The following DPP10 variants were observed in gnomAD, a reference collection of about 807,000 sequenced individuals.
DPP10 encodes the protein inactive dipeptidyl peptidase 10.
Under a neutral mutation model 120.9 loss-of-function variants are expected in DPP10, and 33 were observed. The observed-to-expected ratio is 0.27, with a 90% CI of 0.21 to 0.37. DPP10 has a LOEUF of 0.37. DPP10 is among the 10% of genes least tolerant of loss of function. The probability of loss-of-function intolerance (pLI) is 1.00; values close to 1 mark genes in which losing one functional copy is unlikely to be tolerated. For missense variants in DPP10, 816 were observed against 942.8 expected (o/e 0.87, Z 1.76); for synonymous variants, 337 against 326.1 (o/e 1.03, Z -0.36).
intron 1 of DPP10, among the ~76,000 whole-genome samples, chr2:115,054,789 G>A (rs1245600138): frequency 1.3e-5 from 2 of 151,984 alleles, no homozygotes; most frequent in Non-Finnish European, 2.9e-5. Context: ...CACACAGCTT[G>A]TAATCCCAGC....
At chr2:115,059,037 T>C (rs17452532) in intron 1 of DPP10, among the ~76,000 whole-genome samples, 15,563 of 152,200 alleles carry the variant, frequency 0.1, 1,140 homozygotes, top group Non-Finnish European at 0.14. Flanking sequence ...AATCCATTCG[T>C]GTCTATCTTG....
At chr2:114,914,582 A>G (rs1489054507) in intron 1 of DPP10, among the ~76,000 whole-genome samples, 1 of 152,224 alleles carries the variant, frequency 6.6e-6, no homozygotes, top group Non-Finnish European at 1.5e-5. Flanking sequence ...ATGAAAGACC[A>G]TTACTTGTCA....
chr2:115,674,470 A>T (rs2090128971), intron 5 of DPP10, among the ~76,000 whole-genome samples: 1 of 151,456 alleles, frequency 6.6e-6, no homozygotes, highest in South Asian at 2.1e-4. Context: ...CGGCAGTTAC[A>T]TGCTTGTGAC....
chr2:114,736,255 G>T (rs769820412), intron 1 of DPP10, among the ~76,000 whole-genome samples: 3 of 151,876 alleles, frequency 2.0e-5, no homozygotes, highest in Non-Finnish European at 4.4e-5. Flanking sequence ...GCGTGCTCAT[G>T]CCTCCTCCCA....
intron 1 of DPP10, among the ~76,000 whole-genome samples, chr2:115,253,727 G>C (rs1409696920): frequency 6.6e-6 from 1 of 152,222 alleles, no homozygotes; most frequent in Non-Finnish European, 1.5e-5. Context: ...TGGCTCCCAA[G>C]GGCTTGGACA....
At position 115,535,599 on chromosome 2, in the gene DPP10, C is replaced by G. The variant is rs1327931073; in HGVS notation, c.441+9627C>G. On this transcript the variant is annotated intron_variant, in intron 5 of 25. Coordinates refer to ENST00000410059, the MANE Select transcript of DPP10 (RefSeq NM_020868.6). ...TAGGATTGACTTGGTGATGCGGGCT[C>G]TTTTTTGGTTCCATATGAACTTTAA... is the stretch of plus-strand genomic sequence containing the variant. 1.7e-3 allele frequency among the ~76,000 whole-genome samples: 251 copies of G among 150,310 alleles called. 1 individual carries two copies. Among genetic ancestry groups the G allele is most frequent in the African/African-American group, 5.2e-3 (212 of 41,130 alleles).
At chr2:114,616,158 G>T (rs1038183201) in intron 1 of DPP10, among the ~76,000 whole-genome samples, 5 of 152,044 alleles carry the variant, frequency 3.3e-5, no homozygotes, top group Non-Finnish European at 5.9e-5. Context: ...CTGGATTATC[G>T]CTTGTAACTC....
chr2:115,370,097 G>A (rs1250785072), intron 3 of DPP10, among the ~76,000 whole-genome samples: 1 of 152,074 alleles, frequency 6.6e-6, no homozygotes, highest in African/African-American at 2.4e-5. Context: ...TTAATATTGA[G>A]ATTTCTCATT....
At chr2:114,515,745 G>A (rs1222473893) in intron 1 of DPP10, among the ~76,000 whole-genome samples, 7 of 150,708 alleles carry the variant, frequency 4.6e-5, no homozygotes, top group Admixed American at 4.6e-4. Flanking sequence ...TTCTTTTTCT[G>A]TTGATTTTTT....
At chr2:114,553,453 G>A (rs188736952) in intron 1 of DPP10, among the ~76,000 whole-genome samples, 60 of 152,320 alleles carry the variant, frequency 3.9e-4, no homozygotes, top group Admixed American at 6.5e-4. Context: ...TAACAATGCT[G>A]TCCCTCTAAC....
At chr2:115,466,214 C>T (rs1462063076) in intron 3 of DPP10, among the ~76,000 whole-genome samples, 1 of 152,162 alleles carries the variant, frequency 6.6e-6, no homozygotes, top group Non-Finnish European at 1.5e-5. Flanking sequence ...CTATCTCCCA[C>T]CTGGGACTCT....
At chr2:114,760,969 A>G (rs1680229523) in intron 1 of DPP10, among the ~76,000 whole-genome samples, 1 of 152,140 alleles carries the variant, frequency 6.6e-6, no homozygotes, top group Non-Finnish European at 1.5e-5. Context: ...AAATCAAAAA[A>G]TTTTTCTTGA....
chr2:114,913,493 G>A (rs1021083888), intron 1 of DPP10, among the ~76,000 whole-genome samples: 2 of 152,144 alleles, frequency 1.3e-5, no homozygotes, highest in African/African-American at 4.8e-5. Flanking sequence ...GCTGAGCTGA[G>A]CCTTGACTCC....
At chr2:115,286,792 T>G (rs1420727815) in intron 1 of DPP10, among the ~76,000 whole-genome samples, 1 of 151,500 alleles carries the variant, frequency 6.6e-6, no homozygotes, top group Non-Finnish European at 1.5e-5. Flanking sequence ...AAGAACATGA[T>G]CACTGAGAAA....
intron 1 of DPP10, among the ~76,000 whole-genome samples, chr2:115,151,710 A>T (rs1450315694): frequency 7.0e-6 from 1 of 143,486 alleles, no homozygotes. Flanking sequence ...CCCAGTCAGT[A>T]TTGAATTTTT....
At chr2:114,675,723 C>T (rs1459152007) in intron 1 of DPP10, among the ~76,000 whole-genome samples, 1 of 152,098 alleles carries the variant, frequency 6.6e-6, no homozygotes, top group Non-Finnish European at 1.5e-5. Flanking sequence ...AAGAGAGTCC[C>T]AGATACCAGT....
chr2:115,060,284 A>G (rs1443675112), intron 1 of DPP10, among the ~76,000 whole-genome samples: 2 of 151,604 alleles, frequency 1.3e-5, no homozygotes, highest in Non-Finnish European at 2.9e-5. Flanking sequence ...GAAAGAAAGG[A>G]TAGGTAGATT....
chr2:115,483,479 C>CTATCTATCTGTGTG (rs3980957), intron 3 of DPP10, among the ~76,000 whole-genome samples: 1 of 144,072 alleles, frequency 6.9e-6, no homozygotes, highest in Non-Finnish European at 1.5e-5. Flanking sequence ...ATCTATCTAT[C>CTATCTATCTGTGTG]TGTATGTGTA....
At chr2:115,249,956 A>T (rs2058685195) in intron 1 of DPP10, among the ~76,000 whole-genome samples, 1 of 152,202 alleles carries the variant, frequency 6.6e-6, no homozygotes, top group African/African-American at 2.4e-5. Context: ...GTTACTAGAC[A>T]GAAAGAAATC....
Sources: gnomAD v4.1 joint callset for allele counts (sites outside exome capture counted in the v4.1 genomes callset) on GRCh38, gnomAD v4.1.1 for gene constraint, MANE v1.5 for transcripts, NCBI Gene and HGNC (gene_info 2026-07-23, HGNC 2026-07-21) for gene names.